The following MYH4 variants were observed in gnomAD, a reference collection of about 807,000 sequenced individuals.
MYH4 encodes the protein myosin heavy chain 4, also known as myosin-4.
MYH4 carries 200 observed loss-of-function variants against 229.9 expected under a neutral mutation model. The ratio of observed to expected loss-of-function variants is 0.87; its 90% CI spans 0.78 to 0.98. The LOEUF (loss-of-function observed/expected upper bound fraction) is 0.98, where lower values mean the gene tolerates loss of function less well. MYH4 is among the 50% of genes least tolerant of loss of function. The pLI, the probability that MYH4 is intolerant of heterozygous loss-of-function variation, is 0.00. For synonymous variants in MYH4, 761 were observed against 834.6 expected (o/e 0.91, Z 1.52); for missense variants, 2,148 against 2,332.6 (o/e 0.92, Z 1.63).
At chr17:10,445,486 T>C in intron 35 of MYH4, 124 bp from the exon 36 acceptor site, 1 of 1,291,188 alleles carries the variant, frequency 7.7e-7, no homozygotes, top group Non-Finnish European at 1.1e-6. Flanking sequence ...AAAAACCAAA[T>C]TAGAAGATAA....
chr17:10,451,473 C>T (rs1597417019), intron 27 of MYH4, 21 bp from the exon 28 acceptor site: 1 of 1,607,878 alleles, frequency 6.2e-7, no homozygotes, highest in African/African-American at 1.3e-5. Flanking sequence ...AGGTAGAAAA[C>T]AGGAAGAGAC....
intron 15 of MYH4, 133 bp from the exon 16 acceptor site, chr17:10,457,862 G>T: frequency 8.1e-7 from 1 of 1,228,600 alleles, no homozygotes; most frequent in Non-Finnish European, 1.1e-6. Context: ...CATGACATGT[G>T]AAGCAGTCAT....
chr17:10,451,816 G>T, intron 27 of MYH4, 125 bp downstream of exon 27: 1 of 1,201,500 alleles, frequency 8.3e-7, no homozygotes, highest in Non-Finnish European at 1.2e-6. Context: ...ATGTGTACTA[G>T]GAGTAAGTTT....
intron 30 of MYH4, among the ~76,000 whole-genome samples, chr17:10,449,344 CTCTT>C (rs756701965): frequency 1.3e-5 from 2 of 152,168 alleles, no homozygotes; most frequent in Non-Finnish European, 2.9e-5. Context: ...AAATTTGCTC[CTCTT>C]TCTTTGTTTT....
intron 11 of MYH4, among the ~76,000 whole-genome samples, chr17:10,461,512 T>TC (rs1336609909): frequency 1.3e-5 from 2 of 152,142 alleles, no homozygotes; most frequent in Non-Finnish European, 2.9e-5. Context: ...CAGTCTACCT[T>TC]CCCCTGCTAA....
At chr17:10,458,991 G>A (rs2072671568) in intron 15 of MYH4, among the ~76,000 whole-genome samples, 1 of 152,326 alleles carries the variant, frequency 6.6e-6, no homozygotes, top group Non-Finnish European at 1.5e-5. Flanking sequence ...ATGAAATAGT[G>A]TAGGAAGAAA....
At chr17:10,448,356 A>G (rs747237797) in intron 33 of MYH4, 40 bp downstream of exon 33, 5 of 1,579,066 alleles carry the variant, frequency 3.2e-6, no homozygotes, top group Non-Finnish European at 4.3e-6. Flanking sequence ...TTAATTTTCA[A>G]TTTATTTATA....
chr17:10,464,761 G>C lies in MYH4; in HGVS notation c.506-53C>G. 6 of 1,554,482 alleles carry C rather than the reference G, an allele frequency of 3.9e-6. No homozygotes were observed. The Admixed American group carries it at 8.5e-5, about 22-fold the overall frequency. ...TTAGAAAAACACACTTAACACATAGGTCAACGCAGTACTTATAAACTCAAA... is the reference window on the plus strand; with the variant it reads ...TTAGAAAAACACACTTAACACATAGCTCAACGCAGTACTTATAAACTCAAA... On this transcript the variant is annotated intron_variant, in intron 5 of 39. Coordinates refer to ENST00000255381, the MANE Select transcript of MYH4 (RefSeq NM_017533.2).
At position 10,443,388 on chromosome 17, in the gene MYH4, A is replaced by T. The variant is rs781224206; in HGVS notation, c.5807T>A (p.Ile1936Lys). The change falls in exon 40 of 40, where the codon ATA (isoleucine) becomes AAA (lysine). Residue 1936 changes from isoleucine to lysine, a missense_variant. Coordinates refer to ENST00000255381, the MANE Select transcript of MYH4 (RefSeq NM_017533.2). The surrounding 1 kb of genome is among the most constrained non-coding windows in gnomAD (Gnocchi z 4.6). Reference protein sequence around the residue: ...VKSREVHTKVISEE With the variant: ...VKSREVHTKVKSEE ...CATTAGAATGAATTACTCTTCACTT[A>T]TGACTTTTGTGTGAACCTCCCGACT... The T allele has an allele frequency of 5.0e-6, 8 of 1,613,966 alleles. No individual in the cohort carries two copies. The highest frequency in any genetic ancestry group is 6.8e-6 in the Non-Finnish European group (8 of 1,179,996).
rs531432233 is a variant in MYH4 at position 10,456,438 on chromosome 17, A to C, written c.1968+47T>G. 29 of 1,484,784 alleles carry C rather than the reference A, an allele frequency of 2.0e-5. 1 individual carries two copies. The South Asian group carries it at 2.7e-4, about 14-fold the overall frequency. The allele number at this position is 1,484,784 out of a possible 1,614,324, so 92.0% of individuals were successfully genotyped here. A position where few individuals can be genotyped will look rare whatever the true frequency, so the allele number is the denominator to read the frequency against. Reference sequence around the variant, plus strand: ...AAAAAATTTTCTGTTTTGATGGTTTAGTTTTTTAATGAAAGTATTTATCTG... The same window carrying C: ...AAAAAATTTTCTGTTTTGATGGTTTCGTTTTTTAATGAAAGTATTTATCTG... On this transcript the variant is annotated intron_variant, in intron 17 of 39. Coordinates refer to ENST00000255381, the MANE Select transcript of MYH4 (RefSeq NM_017533.2).
rs2072770991 is a variant in MYH4, at chr17:10,466,632, G to C, written c.114C>G (p.Val38=). ...AGGACTCCTTAGGGTCCACCACAAAGACTGATGTCTTGGCATCAAAAGGCT... is the reference window on the plus strand; with the variant it reads ...AGGACTCCTTAGGGTCCACCACAAACACTGATGTCTTGGCATCAAAAGGCT... The part of the protein sequence containing the change: ...QNKPFDAKTS[V]FVVDPKESYV... The change falls in exon 3 of 40, where the codon GTC becomes GTG. Residue 38 remains valine, a synonymous_variant. Coordinates refer to ENST00000255381, the MANE Select transcript of MYH4 (RefSeq NM_017533.2). 6.2e-7 allele frequency: 1 copy of C among 1,614,088 alleles called. No homozygotes were observed. The highest frequency in any genetic ancestry group is 8.5e-7 in the Non-Finnish European group (1 of 1,180,022).
Position 10,443,380 on chromosome 17 carries a change from C to G in MYH4, c.5815G>C (p.Glu1939Gln). ...TTTTCTTTCATTAGAATGAATTACT[C>G]TTCACTTATGACTTTTGTGTGAACC... ...REVHTKVISEE is the reference protein window; with the variant it reads ...REVHTKVISEQ The change falls in exon 40 of 40, where the codon GAG (glutamate) becomes CAG (glutamine). Residue 1939 changes from glutamate (E) to glutamine (Q), a missense_variant. Glu to Gln is a conservative substitution (Grantham distance 29). Transcript: ENST00000255381. This position sits in a 1 kb window ranked among gnomAD's most constrained non-coding sequence, Gnocchi z 4.6. 2 of 1,613,832 alleles carry G rather than the reference C, an allele frequency of 1.2e-6. No homozygotes were observed. Among genetic ancestry groups the G allele is most frequent in the Non-Finnish European group, 1.7e-6 (2 of 1,179,938 alleles).
At chr17:10,465,711 G>T in intron 4 of MYH4, 113 bp from the exon 5 acceptor site, 22 of 1,213,962 alleles carry the variant, frequency 1.8e-5, no homozygotes, top group South Asian at 1.0e-4. Flanking sequence ...TTCTCATAAA[G>T]TTTCATTCAT....
At position 10,444,669 on chromosome 17, in the gene MYH4, G is replaced by A. The variant is rs749814839; in HGVS notation, c.5602C>T (p.Leu1868=). 6 of 1,613,870 alleles carry A rather than the reference G, an allele frequency of 3.7e-6. No homozygotes were observed. The highest frequency in any genetic ancestry group is 2.2e-5 in the East Asian group (1 of 44,876). ...TEEDRKNILR[L]QDLVDKLQTK... ...TGCAATTTGTCCACCAAGTCCTGCA[G>A]CCTGAGAATATTCTTGCGGTCCTCC... is the stretch of plus-strand genomic sequence containing the variant. The change falls in exon 39 of 40, where the codon CTG becomes TTG. Residue 1868 remains leucine, a synonymous_variant. Transcript: ENST00000255381.
intron 23 of MYH4, 137 bp from the exon 24 acceptor site, chr17:10,453,465 G>C (rs1002235519): frequency 6.4e-7 from 1 of 1,553,038 alleles, no homozygotes; most frequent in African/African-American, 1.4e-5. Context: ...GCCTATAATG[G>C]CTGAAAAAAT....
chr17:10,463,741 G>T, intron 7 of MYH4, 98 bp from the exon 8 acceptor site: 1 of 905,172 alleles, frequency 1.1e-6, no homozygotes, highest in African/African-American at 1.7e-5. Context: ...ACAGTATTCT[G>T]TAACTTTGGG....
chr17:10,462,763 C>T, intron 11 of MYH4, 102 bp downstream of exon 11: 1 of 914,096 alleles, frequency 1.1e-6, no homozygotes, highest in Non-Finnish European at 1.6e-6. Context: ...GGTTGTATTA[C>T]CTATTTATAG....
In MYH4 at chr17:10,464,717, G is replaced by C; in HGVS notation, c.506-9C>G. The C allele has an allele frequency of 1.2e-6, 2 of 1,612,520 alleles. No homozygotes were observed. Among genetic ancestry groups the C allele is most frequent in the South Asian group, 2.2e-5 (2 of 91,018 alleles). Reference sequence around the variant, plus strand: ...TGACTGGTTTTCACGATCTGTAAAAGAGAAGCCAAAGATAATATTTAGAAA... The same window carrying C: ...TGACTGGTTTTCACGATCTGTAAAACAGAAGCCAAAGATAATATTTAGAAA... On this transcript the variant is annotated splice_polypyrimidine_tract_variant and intron_variant, in intron 5 of 39. Transcript: ENST00000255381.
Position 10,452,070 on chromosome 17 carries a change from ACTAT to A in MYH4, c.3605_3608del (p.Asp1202ValfsTer26). The A allele has an allele frequency of 6.2e-7, 1 of 1,613,938 alleles. No individual in the cohort carries two copies. Among genetic ancestry groups the A allele is most frequent in the Non-Finnish European group, 8.5e-7 (1 of 1,179,986 alleles). On this transcript the variant is annotated frameshift_variant, in exon 27 of 40. Coordinates refer to ENST00000255381, the MANE Select transcript of MYH4 (RefSeq NM_017533.2). LOFTEE classifies it high-confidence loss of function. ...CAATCTGCTCCCCAAGCTCAGCCACACTATCTGCGTGCTTCTTCCGAAGAGCAGC... is the reference window on the plus strand; with the variant it reads ...CAATCTGCTCCCCAAGCTCAGCCACACTGCGTGCTTCTTCCGAAGAGCAGC...
Sources: allele counts gnomAD v4.1 joint callset (sites outside exome capture counted in the v4.1 genomes callset), GRCh38; gene constraint gnomAD v4.1.1; non-coding constraint Gnocchi (gnomAD v3.1); transcripts MANE v1.5; gene names NCBI Gene and HGNC (gene_info 2026-07-23, HGNC 2026-07-21).